The following VRK2 variants were observed in gnomAD, a reference collection of about 807,000 sequenced individuals.
The protein encoded by VRK2 is VRK serine/threonine kinase 2.
In VRK2, 60 loss-of-function variants were observed where a neutral mutation model predicts 57.6. The ratio of observed to expected loss-of-function variants is 1.04; its 90% CI spans 0.85 to 1.29. VRK2 has a LOEUF of 1.29. Among genes scored for constraint, VRK2 ranks in the 50% most tolerant of loss-of-function variants. The probability of loss-of-function intolerance (pLI) is 0.00; values close to 1 mark genes in which losing one functional copy is unlikely to be tolerated. For missense variants in VRK2, 705 were observed against 588.1 expected (o/e 1.20, Z -2.06); for synonymous variants, 231 against 199.2 (o/e 1.16, Z -1.35).
At chr2:58,124,912 A>G (rs983433630) in intron 8 of VRK2, among the ~76,000 whole-genome samples, 1 of 152,174 alleles carries the variant, frequency 6.6e-6, no homozygotes, top group Non-Finnish European at 1.5e-5. Context: ...GTGATTTTTC[A>G]GTATTCATAT....
intron 1 of VRK2, among the ~76,000 whole-genome samples, chr2:57,954,635 A>C (rs1474678409): frequency 6.6e-6 from 1 of 152,100 alleles, no homozygotes; most frequent in African/African-American, 2.4e-5. Context: ...AGTGTTACTA[A>C]GTTCAGAGTG....
intron 1 of VRK2, among the ~76,000 whole-genome samples, chr2:57,938,469 G>T (rs947625485): frequency 1.4e-5 from 2 of 145,072 alleles, no homozygotes; most frequent in Non-Finnish European, 3.0e-5. Flanking sequence ...GGTGATAGGA[G>T]ATTTAAAAGG....
At chr2:58,010,486 C>T (rs1224599302) in intron 1 of VRK2, among the ~76,000 whole-genome samples, 5 of 152,000 alleles carry the variant, frequency 3.3e-5, no homozygotes, top group Non-Finnish European at 4.4e-5. Context: ...GGCTAGTTTA[C>T]GTACTGTGAA....
chr2:57,924,398 C>T (rs1420928108), intron 1 of VRK2, among the ~76,000 whole-genome samples: 5 of 151,908 alleles, frequency 3.3e-5, no homozygotes, highest in Non-Finnish European at 5.9e-5. Flanking sequence ...CAATTTCTTA[C>T]ATCAGTGTTT....
In VRK2 at chr2:58,096,053, A is replaced by C. The variant is rs112559468; in HGVS notation, c.543+6330A>C. Among the ~76,000 whole-genome samples, 267 of 152,230 alleles carry C rather than the reference A, an allele frequency of 1.8e-3. 2 individuals are homozygous for C. The highest frequency in any genetic ancestry group is 6.0e-3 in the African/African-American group (249 of 41,568). On this transcript the variant is annotated intron_variant, in intron 7 of 12. Coordinates refer to ENST00000340157, the MANE Select transcript of VRK2 (RefSeq NM_006296.7). Reference sequence around the variant, plus strand: ...GTCTTGTTTAACATCTATAGAAGTAATCATATTTGTCTCAAATATTTTAAT... The same window carrying C: ...GTCTTGTTTAACATCTATAGAAGTACTCATATTTGTCTCAAATATTTTAAT...
At chr2:58,092,526 GTAAA>G (rs1300317344) in intron 7 of VRK2, among the ~76,000 whole-genome samples, 2 of 152,160 alleles carry the variant, frequency 1.3e-5, no homozygotes, top group African/African-American at 4.8e-5. Context: ...TTTCTTTTGA[GTAAA>G]TAACTAGGAG....
intron 1 of VRK2, among the ~76,000 whole-genome samples, chr2:58,006,149 A>C (rs1363994765): frequency 1.3e-5 from 2 of 152,170 alleles, no homozygotes; most frequent in Non-Finnish European, 2.9e-5. Context: ...TACAGAGAGA[A>C]ATCTGGGGGA....
chr2:58,072,360 A>T (rs1041843899), intron 2 of VRK2, among the ~76,000 whole-genome samples: 16 of 152,002 alleles, frequency 1.1e-4, no homozygotes, highest in Non-Finnish European at 1.3e-4. Flanking sequence ...CTTAAGATGA[A>T]AGCATCTAGT....
chr2:58,015,890 A>AT (rs1002332091), intron 1 of VRK2, among the ~76,000 whole-genome samples: 8 of 152,004 alleles, frequency 5.3e-5, no homozygotes, highest in Non-Finnish European at 1.2e-4. Context: ...CAGACATTTG[A>AT]TTTTTATACA....
chr2:57,968,767 T>C (rs1441983828), intron 1 of VRK2, among the ~76,000 whole-genome samples: 5 of 152,078 alleles, frequency 3.3e-5, no homozygotes, highest in South Asian at 2.1e-4. Context: ...TTGATATTAG[T>C]TAAAAATCTA....
chr2:57,913,373 T>C (rs183778115), intron 1 of VRK2, among the ~76,000 whole-genome samples: 6 of 152,348 alleles, frequency 3.9e-5, no homozygotes, highest in African/African-American at 1.4e-4. Flanking sequence ...TCCTACATAA[T>C]AAGTGCTAAA....
At chr2:57,928,380 A>T (rs923716103) in intron 1 of VRK2, among the ~76,000 whole-genome samples, 2 of 151,972 alleles carry the variant, frequency 1.3e-5, no homozygotes, top group Non-Finnish European at 2.9e-5. Context: ...TTTCTGCTTG[A>T]TTTTTTAACT....
intron 1 of VRK2, among the ~76,000 whole-genome samples, chr2:57,930,351 G>A (rs898274809): frequency 1.3e-5 from 2 of 152,142 alleles, no homozygotes; most frequent in African/African-American, 4.8e-5. Flanking sequence ...ACAACTCTGA[G>A]TTCCAATGCA....
At chr2:57,990,147 T>C (rs1053623946) in intron 1 of VRK2, among the ~76,000 whole-genome samples, 1 of 152,196 alleles carries the variant, frequency 6.6e-6, no homozygotes, top group Admixed American at 6.5e-5. Context: ...TGTCACAGTC[T>C]TAACACAGAG....
At chr2:57,969,094 G>T (rs1672012663) in intron 1 of VRK2, among the ~76,000 whole-genome samples, 1 of 152,086 alleles carries the variant, frequency 6.6e-6, no homozygotes, top group Non-Finnish European at 1.5e-5. Context: ...GGCAGTCACA[G>T]ATGGGGAAAT....
chr2:58,129,365 T>A (rs1372578635), intron 8 of VRK2, among the ~76,000 whole-genome samples: 1 of 152,214 alleles, frequency 6.6e-6, no homozygotes, highest in Non-Finnish European at 1.5e-5. Flanking sequence ...CATTGCACAG[T>A]ATCATCTGAT....
intron 1 of VRK2, among the ~76,000 whole-genome samples, chr2:57,977,204 T>G (rs1359489401): frequency 6.6e-6 from 1 of 152,192 alleles, no homozygotes; most frequent in Non-Finnish European, 1.5e-5. Context: ...AGGATTTTGT[T>G]TGTTTGTTTC....
intron 2 of VRK2, among the ~76,000 whole-genome samples, chr2:58,054,453 A>G (rs1676217054): frequency 6.6e-6 from 1 of 151,478 alleles, no homozygotes; most frequent in African/African-American, 2.4e-5. Context: ...AAATGAGCTC[A>G]CCTCTATTGC....
At chr2:57,997,682 C>T (rs531975804) in intron 1 of VRK2, among the ~76,000 whole-genome samples, 3 of 152,028 alleles carry the variant, frequency 2.0e-5, no homozygotes, top group Non-Finnish European at 2.9e-5. Context: ...GTGGACAGAT[C>T]GCTTGAGCTC....
Sources: allele counts gnomAD v4.1 joint callset (sites outside exome capture counted in the v4.1 genomes callset), GRCh38; gene constraint gnomAD v4.1.1; transcripts MANE v1.5; gene names NCBI Gene and HGNC (gene_info 2026-07-23, HGNC 2026-07-21).